ZDHHC14: variants seen among roughly 807,000 people sequenced by gnomAD.
The protein encoded by ZDHHC14 is palmitoyltransferase ZDHHC14.
In ZDHHC14, 16 loss-of-function variants were observed where a neutral mutation model predicts 47.7. The ratio of observed to expected loss-of-function variants is 0.34; its 90% CI spans 0.23 to 0.51. The LOEUF (loss-of-function observed/expected upper bound fraction) is 0.51. ZDHHC14 is among the 20% of genes least tolerant of loss of function. The pLI, the probability that ZDHHC14 is intolerant of heterozygous loss-of-function variation, is 0.97. For missense variants in ZDHHC14, 515 were observed against 662.5 expected (o/e 0.78, Z 2.44); for synonymous variants, 293 against 278.9 (o/e 1.05, Z -0.50).
intron 8 of ZDHHC14, 43 bp from the exon 9 acceptor site, chr6:157,672,681 C>A (rs1778852593): frequency 1.2e-6 from 2 of 1,601,826 alleles, no homozygotes; most frequent in Middle Eastern, 1.7e-4. Context: ...ACCTCTGCCC[C>A]CTCCTCTCCA....
At chr6:157,540,359 G>C (rs1021279014) in intron 1 of ZDHHC14, among the ~76,000 whole-genome samples, 3 of 152,212 alleles carry the variant, frequency 2.0e-5, no homozygotes, top group South Asian at 2.1e-4. Flanking sequence ...AGAACTTGCT[G>C]TAAGAGCAAG....
intron 2 of ZDHHC14, among the ~76,000 whole-genome samples, chr6:157,549,387 T>C (rs1340221829): frequency 1.3e-5 from 2 of 152,218 alleles, no homozygotes; most frequent in Non-Finnish European, 2.9e-5. Flanking sequence ...AGGGGCCTTT[T>C]TCTAGTGGGA....
rs565341751 is a variant in ZDHHC14, at chr6:157,526,193, C to T, written c.246-16392C>T. Among the ~76,000 whole-genome samples the T allele has an allele frequency of 1.3e-4, 20 of 152,348 alleles. 1 individual carries two copies. The South Asian group carries it at 2.5e-3, about 19-fold the overall frequency. ...GGACTATCTCTTGCCTACCTAGAGG[C>T]TTTGCTAAGGGTCTCCCTGATGCTA... On this transcript the variant is annotated intron_variant, in intron 1 of 8. Transcript: ENST00000359775.
chr6:157,512,519 G>C (rs186368471), intron 1 of ZDHHC14, among the ~76,000 whole-genome samples: 23 of 152,318 alleles, frequency 1.5e-4, no homozygotes, highest in Admixed American at 7.8e-4. Context: ...CACTTTGTTG[G>C]GAAGAAGAGC....
At chr6:157,435,165 G>A (rs926484068) in intron 1 of ZDHHC14, among the ~76,000 whole-genome samples, 1 of 152,354 alleles carries the variant, frequency 6.6e-6, no homozygotes, top group Middle Eastern at 3.4e-3. Flanking sequence ...AATCTTAAGA[G>A]CTTTACAGAT....
chr6:157,626,511 AAT>A (rs1491209229), intron 3 of ZDHHC14, among the ~76,000 whole-genome samples: 1 of 152,084 alleles, frequency 6.6e-6, no homozygotes, highest in African/African-American at 2.4e-5. Context: ...TTAAACACTT[AAT>A]TTTTTTTAGA....
intron 1 of ZDHHC14, among the ~76,000 whole-genome samples, chr6:157,535,660 A>G (rs1340145494): frequency 6.6e-6 from 1 of 152,102 alleles, no homozygotes; most frequent in African/African-American, 2.4e-5. Context: ...CGTCTGGGGT[A>G]ATTAACACGA....
At chr6:157,446,284 C>G (rs984316746) in intron 1 of ZDHHC14, among the ~76,000 whole-genome samples, 6 of 152,190 alleles carry the variant, frequency 3.9e-5, no homozygotes, top group Non-Finnish European at 5.9e-5. Flanking sequence ...TTGCCCCTCT[C>G]GAGCCTTCTC....
At chr6:157,652,721 T>TA (rs1301203406) in intron 7 of ZDHHC14, among the ~76,000 whole-genome samples, 7 of 152,188 alleles carry the variant, frequency 4.6e-5, no homozygotes, top group Non-Finnish European at 8.8e-5. Flanking sequence ...GCCTCAGAGA[T>TA]ACAGATATTG....
At chr6:157,538,005 G>T (rs149684840) in intron 1 of ZDHHC14, among the ~76,000 whole-genome samples, 1 of 152,266 alleles carries the variant, frequency 6.6e-6, no homozygotes, top group Admixed American at 6.5e-5. Flanking sequence ...CTTTTTCTAA[G>T]CAGCATTTTG....
At chr6:157,565,172 G>A (rs1782855302) in intron 2 of ZDHHC14, among the ~76,000 whole-genome samples, 1 of 152,082 alleles carries the variant, frequency 6.6e-6, no homozygotes, top group Non-Finnish European at 1.5e-5. Context: ...ACCTGCGTCT[G>A]GGAGGTCAAG....
chr6:157,533,393 A>T (rs1050674284), intron 1 of ZDHHC14, among the ~76,000 whole-genome samples: 6 of 152,196 alleles, frequency 3.9e-5, no homozygotes, highest in Non-Finnish European at 8.8e-5. Context: ...GGCTGGTCAT[A>T]GGAGGGCTGC....
intron 8 of ZDHHC14, among the ~76,000 whole-genome samples, chr6:157,665,899 G>A (rs969216378): frequency 7.2e-5 from 11 of 152,154 alleles, no homozygotes; most frequent in Non-Finnish European, 1.5e-4. Flanking sequence ...GTGACCACAG[G>A]TGTCTCTTGC....
At chr6:157,482,946 G>A (rs1480744598) in intron 1 of ZDHHC14, among the ~76,000 whole-genome samples, 1 of 151,990 alleles carries the variant, frequency 6.6e-6, no homozygotes, top group East Asian at 1.9e-4. Context: ...ATTTCACCAT[G>A]TTGGCCAAGC....
chr6:157,435,764 T>C (rs1291487034), intron 1 of ZDHHC14, among the ~76,000 whole-genome samples: 1 of 152,188 alleles, frequency 6.6e-6, no homozygotes, highest in Non-Finnish European at 1.5e-5. Context: ...GGTCTCGAAC[T>C]CTTGGGCTCA....
intron 1 of ZDHHC14, among the ~76,000 whole-genome samples, chr6:157,392,866 T>C (rs1316440111): frequency 6.6e-6 from 1 of 152,150 alleles, no homozygotes; most frequent in East Asian, 1.9e-4. Flanking sequence ...TTTTATTTTA[T>C]AACAATTTTT....
At chr6:157,423,671 A>G (rs1389783925) in intron 1 of ZDHHC14, among the ~76,000 whole-genome samples, 2 of 152,206 alleles carry the variant, frequency 1.3e-5, no homozygotes, top group African/African-American at 4.8e-5. Context: ...GTTGTTTGAC[A>G]TAAGACGGTG....
intron 7 of ZDHHC14, among the ~76,000 whole-genome samples, chr6:157,651,592 G>A (rs1288372248): frequency 6.6e-6 from 1 of 150,764 alleles, no homozygotes. Context: ...TTTTTGAGAT[G>A]GAGTCTCACT....
intron 8 of ZDHHC14, among the ~76,000 whole-genome samples, chr6:157,670,403 C>T (rs1778744005): frequency 6.6e-6 from 1 of 152,212 alleles, no homozygotes; most frequent in Non-Finnish European, 1.5e-5. Flanking sequence ...AAATGATTCT[C>T]CTACCTCAGC....
Sources: gnomAD v4.1 joint callset for allele counts (sites outside exome capture counted in the v4.1 genomes callset) on GRCh38, gnomAD v4.1.1 for gene constraint, MANE v1.5 for transcripts, NCBI Gene and HGNC (gene_info 2026-07-23, HGNC 2026-07-21) for gene names.